The following ST8SIA2 variants were observed in gnomAD, a reference collection of about 807,000 sequenced individuals.
ST8SIA2 encodes ST8 alpha-N-acetyl-neuraminide alpha-2,8-sialyltransferase 2.
A neutral mutation model predicts 37.6 loss-of-function variants in ST8SIA2; 22 were observed. The ratio of observed to expected loss-of-function variants is 0.58; its 90% CI spans 0.42 to 0.83. ST8SIA2 has a LOEUF of 0.83. ST8SIA2 is among the 40% of genes least tolerant of loss of function. ST8SIA2 has a pLI of 0.00. For missense variants in ST8SIA2, 382 were observed against 484.7 expected, an observed-to-expected ratio of 0.79 and a Z score of 1.99; for synonymous variants, 205 against 201.2, an observed-to-expected ratio of 1.02 and a Z score of -0.16.
rs1001187522 is a variant in ST8SIA2, at chr15:92,451,712, G to A, written c.842+6783G>A. Among the ~76,000 whole-genome samples the A allele has an allele frequency of 2.0e-4, 31 of 152,234 alleles. 1 individual carries two copies. Among genetic ancestry groups the A allele is most frequent in the South Asian group, 1.2e-3 (6 of 4,828 alleles). On this transcript the variant is annotated intron_variant, in intron 5 of 5. Transcript: ENST00000268164. The stretch of plus-strand genomic sequence containing the variant: ...CTACCATAGTGAACGCTTACATGCC[G>A]CACGCCATGCCAAGTAGCATTATCT...
chr15:92,439,805 A>G (rs2049787822), intron 4 of ST8SIA2, among the ~76,000 whole-genome samples: 1 of 152,128 alleles, frequency 6.6e-6, no homozygotes, highest in African/African-American at 2.4e-5. Flanking sequence ...GGGAGGGGAA[A>G]GGAAGAAGGA....
At chr15:92,447,980 A>G (rs2049854321) in intron 5 of ST8SIA2, among the ~76,000 whole-genome samples, 1 of 152,190 alleles carries the variant, frequency 6.6e-6, no homozygotes, top group Non-Finnish European at 1.5e-5. Flanking sequence ...ATAAGAGGAG[A>G]AACACTGCCC....
At chr15:92,464,033 C>T in intron 5 of ST8SIA2, 67 bp from the exon 6 acceptor site, 1 of 1,500,354 alleles carries the variant, frequency 6.7e-7, no homozygotes, top group Non-Finnish European at 8.8e-7. Context: ...AAATTTTTGT[C>T]TTCCTGGAAA....
At chr15:92,446,938 T>C (rs1319982733) in intron 5 of ST8SIA2, among the ~76,000 whole-genome samples, 1 of 152,072 alleles carries the variant, frequency 6.6e-6, no homozygotes, top group African/African-American at 2.4e-5. Context: ...TGCACATATG[T>C]TTGTGGGCCA....
intron 5 of ST8SIA2, among the ~76,000 whole-genome samples, chr15:92,445,786 C>A (rs1172020098): frequency 6.6e-6 from 1 of 152,138 alleles, no homozygotes. Context: ...TGAGGAGGGT[C>A]TGAACTATTC....
intron 5 of ST8SIA2, among the ~76,000 whole-genome samples, chr15:92,458,042 A>G (rs1161401777): frequency 6.6e-6 from 1 of 152,134 alleles, no homozygotes. Flanking sequence ...TTTCAATTCC[A>G]TTTGAGTCAA....
At chr15:92,430,025 T>G (rs758060771) in intron 1 of ST8SIA2, 24 bp from the exon 2 acceptor site, 7 of 1,613,924 alleles carry the variant, frequency 4.3e-6, no homozygotes, top group Non-Finnish European at 5.1e-6. Flanking sequence ...GGTTTATAAA[T>G]AATGCATTTC....
chr15:92,412,740 C>A (rs147919374), intron 1 of ST8SIA2, among the ~76,000 whole-genome samples: 1 of 152,208 alleles, frequency 6.6e-6, no homozygotes, highest in Non-Finnish European at 1.5e-5. Context: ...TCACTGCAAC[C>A]ACTGCCTCCC....
chr15:92,435,257 C>T (rs1384796215), intron 3 of ST8SIA2, among the ~76,000 whole-genome samples: 2 of 152,128 alleles, frequency 1.3e-5, no homozygotes, highest in Non-Finnish European at 1.5e-5. Flanking sequence ...ACAGGCCATA[C>T]TGAGCAAAGA....
In ST8SIA2 at chr15:92,438,623, A is replaced by G. The variant is rs766438712; in HGVS notation, c.548+13A>G. The G allele has an allele frequency of 2.7e-5, 43 of 1,596,486 alleles. No homozygotes were observed. The East Asian group carries it at 7.4e-4, about 27-fold the overall frequency. On this transcript the variant is annotated intron_variant, in intron 4 of 5. Transcript: ENST00000268164. ...GCTTCGTCATCAGGTAACATGCCCC[A>G]GCAGGCACTCTGGGGCCAGAGCGGC...
intron 3 of ST8SIA2, among the ~76,000 whole-genome samples, chr15:92,437,927 T>C (rs2049770662): frequency 6.6e-6 from 1 of 152,326 alleles, no homozygotes; most frequent in South Asian, 2.1e-4. Context: ...GTGAGGGTAA[T>C]GTAAGCTCAC....
chr15:92,426,717 A>G (rs1013428635), intron 1 of ST8SIA2, among the ~76,000 whole-genome samples: 4 of 152,246 alleles, frequency 2.6e-5, no homozygotes, highest in African/African-American at 9.6e-5. Context: ...TCTGTACAGC[A>G]TAACTACAGT....
chr15:92,395,974 A>G (rs1346429754), intron 1 of ST8SIA2, among the ~76,000 whole-genome samples: 3 of 152,180 alleles, frequency 2.0e-5, no homozygotes, highest in African/African-American at 7.2e-5. Context: ...TTTGCACATA[A>G]TGTTGCACTT....
intron 4 of ST8SIA2, among the ~76,000 whole-genome samples, chr15:92,443,954 G>A (rs2049822106): frequency 6.6e-6 from 1 of 152,152 alleles, no homozygotes; most frequent in African/African-American, 2.4e-5. Flanking sequence ...AACTGGAGAA[G>A]CACTCTTTTC....
intron 5 of ST8SIA2, 151 bp downstream of exon 5, chr15:92,445,080 C>A: frequency 8.5e-7 from 1 of 1,169,728 alleles, no homozygotes. Flanking sequence ...TCTGAGCCTC[C>A]ATTCCTTGAG....
Position 92,464,717 on chromosome 15 carries a change from A to C in ST8SIA2, c.*332A>C. 1 of 339,642 alleles carries C rather than the reference A, an allele frequency of 2.9e-6. No individual in the cohort carries two copies. The highest frequency in any genetic ancestry group is 5.5e-6 in the Non-Finnish European group (1 of 181,324). 21.0% of individuals were successfully genotyped at this position (339,642 alleles called of 1,614,324 possible). A position where few individuals can be genotyped will look rare whatever the true frequency, so the allele number is the denominator to read the frequency against. ...CCAGTCCCATGACTTTGGATGACAA[A>C]CTGCCTCCTGGCTTGGAGGGATCTT... is the stretch of plus-strand genomic sequence containing the variant. On this transcript the variant is annotated 3_prime_UTR_variant, in exon 6 of 6. Transcript: ENST00000268164.
At chr15:92,416,123 G>A (rs964398477) in intron 1 of ST8SIA2, among the ~76,000 whole-genome samples, 6 of 151,704 alleles carry the variant, frequency 4.0e-5, no homozygotes, top group East Asian at 1.9e-4. Context: ...TCTGCACATC[G>A]CAGATAAGAC....
intron 2 of ST8SIA2, among the ~76,000 whole-genome samples, chr15:92,433,585 C>G (rs1022844743): frequency 6.6e-5 from 10 of 152,194 alleles, no homozygotes; most frequent in African/African-American, 2.2e-4. Context: ...CAGGCTCCCC[C>G]GGGATCGATT....
In ST8SIA2 at chr15:92,413,278, C is replaced by G. The variant is rs149133998; in HGVS notation, c.99-16771C>G. Among the ~76,000 whole-genome samples the G allele has an allele frequency of 5.1e-3, 774 of 152,234 alleles. 7 individuals carry two copies. The highest frequency in any genetic ancestry group is 0.017 in the African/African-American group (725 of 41,538). On this transcript the variant is annotated intron_variant, in intron 1 of 5. Transcript: ENST00000268164. ...ATCCTCCTCTCAGAAAACTTTTAAT[C>G]AGAACAGTAATTACATTAAAATGAA...
Sources: gnomAD v4.1 joint callset for allele counts (sites outside exome capture counted in the v4.1 genomes callset) on GRCh38, gnomAD v4.1.1 for gene constraint, MANE v1.5 for transcripts, NCBI Gene and HGNC (gene_info 2026-07-23, HGNC 2026-07-21) for gene names.